The following INPPL1 variants were observed in gnomAD, a reference collection of about 807,000 sequenced individuals.
INPPL1 encodes inositol polyphosphate phosphatase like 1, also known as phosphatidylinositol 3,4,5-trisphosphate 5-phosphatase 2.
A neutral mutation model predicts 139.3 loss-of-function variants in INPPL1; 91 were observed. The ratio of observed to expected loss-of-function variants is 0.65; its 90% confidence interval spans 0.55 to 0.78. The LOEUF (loss-of-function observed/expected upper bound fraction) is 0.78. INPPL1 is among the 30% of genes least tolerant of loss of function. INPPL1 has a pLI of 0.00. For missense variants in INPPL1, 1,411 were observed against 1,665.6 expected, an observed-to-expected ratio of 0.85 and a Z score of 2.66; for synonymous variants, 719 against 686.6, an observed-to-expected ratio of 1.05 and a Z score of -0.74.
In INPPL1 at chr11:72,228,263, TGG is replaced by T; in HGVS notation, c.246+12_246+13del. On this transcript the variant is annotated intron_variant, in intron 2 of 27. Transcript: ENST00000298229. This position sits in a 1 kb window ranked among gnomAD's most constrained non-coding sequence, Gnocchi z 5.0. ...TTTCTTGGCTGTGCAGGTAGGAGCT[TGG>T]GCCCCTGACCCCTGACCTTGATCCA... is the stretch of plus-strand genomic sequence containing the variant. 2 of 1,614,128 alleles carry T rather than the reference TGG, an allele frequency of 1.2e-6. No individual in the cohort carries two copies. The highest frequency in any genetic ancestry group is 1.7e-6 in the Non-Finnish European group (2 of 1,179,980).
intron 25 of INPPL1, 68 bp downstream of exon 25, chr11:72,236,054 G>A (rs1192166235): frequency 3.4e-6 from 3 of 871,262 alleles, no homozygotes; most frequent in African/African-American, 1.7e-5. Flanking sequence ...ATCCCCTGCA[G>A]GGTCTCAGGG....
chr11:72,235,855 C>T lies in INPPL1; in HGVS notation c.2748C>T (p.Ser916=), dbSNP rs1275466492. 3 of 1,612,302 alleles carry T rather than the reference C, an allele frequency of 1.9e-6. No homozygotes were observed. Among genetic ancestry groups the T allele is most frequent in the African/African-American group, 2.7e-5 (2 of 74,912 alleles). The part of the protein sequence containing the change: ...SRGSQEPRSG[S]RKPAFTEASC... ...TGTGCATCCCTGGCAGGTCAGGGAG[C>T]CGCAAGCCAGCCTTCACAGAGGCCT... Residue 916 remains serine, a synonymous_variant, in exon 25 of 28, where the codon AGC becomes AGT. Coordinates refer to ENST00000298229, the MANE Select transcript of INPPL1 (RefSeq NM_001567.4). The surrounding 1 kb of genome is among the most constrained non-coding windows in gnomAD (Gnocchi z 4.9).
In INPPL1 at chr11:72,228,630, C is replaced by T. The variant is rs1948742991; in HGVS notation, c.398-97C>T. The stretch of plus-strand genomic sequence containing the variant: ...TGGCCATGATGCCGGGGCCCTTTAA[C>T]CCTCTTTCCATGGAAGTCACTTTAC... On this transcript the variant is annotated intron_variant, in intron 3 of 27. Transcript: ENST00000298229. The surrounding 1 kb of genome is among the most constrained non-coding windows in gnomAD (Gnocchi z 5.0). 24 of 1,547,374 alleles carry T rather than the reference C, an allele frequency of 1.6e-5. No individual in the cohort carries two copies. In the South Asian group the frequency reaches 2.6e-4, roughly 17 times the overall value.
At chr11:72,224,451 GTCATA>G (rs1175394926), upstream of INPPL1, among the ~76,000 whole-genome samples, 1 of 151,274 alleles carries the variant, frequency 6.6e-6, no homozygotes, top group Non-Finnish European at 1.5e-5. Context: ...GGGCTTAGGG[GTCATA>G]TCATTGGGAG....
At chr11:72,225,792 G>A (rs1948655056) in intron 1 of INPPL1, among the ~76,000 whole-genome samples, 1 of 152,190 alleles carries the variant, frequency 6.6e-6, no homozygotes, top group Non-Finnish European at 1.5e-5. Context: ...TGGTTACCTG[G>A]CTGCCCTAGC....
chr11:72,229,525 C>G lies in INPPL1; in HGVS notation c.720C>G (p.Ser240Arg). 2.5e-6 allele frequency: 4 copies of G among 1,614,172 alleles called. No individual in the cohort carries two copies. Among genetic ancestry groups the G allele is most frequent in the Non-Finnish European group, 3.4e-6 (4 of 1,180,028 alleles). ...TGTCCAAGGTGTTTGACCAGCAGAG[C>G]TCGCCCATGGTGACCCGCCTTTTGC... is the stretch of plus-strand genomic sequence containing the variant. ...EILSKVFDQQ[S>R]SPMVTRLLQQ... The change falls in exon 6 of 28, where the codon AGC (serine) becomes AGG (arginine). Residue 240 changes from serine to arginine, a missense_variant. This residue lies in a region of INPPL1 where 504 missense variants were observed against 595.6 expected (regional missense o/e 0.85). Transcript: ENST00000298229.
At chr11:72,237,929 C>G (rs1310961665) in intron 26 of INPPL1, 113 bp from the exon 27 acceptor site, 5 of 1,443,614 alleles carry the variant, frequency 3.5e-6, no homozygotes, top group Non-Finnish European at 4.6e-6. Context: ...TTGGGAGACA[C>G]ATGTATCAGC....
At chr11:72,233,812 G>C in intron 19 of INPPL1, 68 bp downstream of exon 19, 1 of 1,278,994 alleles carries the variant, frequency 7.8e-7, no homozygotes, top group Non-Finnish European at 1.1e-6. Context: ...GCCTCGGGAT[G>C]TACATAGGTT....
At chr11:72,233,023 G>A (rs1948879364) in intron 16 of INPPL1, 49 bp downstream of exon 16, 2 of 1,609,980 alleles carry the variant, frequency 1.2e-6, no homozygotes, top group Non-Finnish European at 1.7e-6. Flanking sequence ...GAGACTTGCA[G>A]TATCCCTGGG....
chr11:72,228,653 T>G lies in INPPL1; in HGVS notation c.398-74T>G, dbSNP rs1948743338. On this transcript the variant is annotated intron_variant, in intron 3 of 27. Transcript: ENST00000298229. The surrounding 1 kb of genome is among the most constrained non-coding windows in gnomAD (Gnocchi z 5.0). The stretch of plus-strand genomic sequence containing the variant: ...AACCCTCTTTCCATGGAAGTCACTT[T>G]ACAGCTGCATCGTGCCTCCTACTCC... 7 of 1,566,628 alleles carry G rather than the reference T, an allele frequency of 4.5e-6. No homozygotes were observed. In the East Asian group the frequency reaches 1.6e-4, roughly 35 times the overall value.
rs1308271103 is a variant in INPPL1 at position 72,237,174 on chromosome 11, C to A, written c.2930C>A (p.Pro977His). The A allele has an allele frequency of 6.2e-7, 1 of 1,611,342 alleles. No individual in the cohort carries two copies. The highest frequency in any genetic ancestry group is 8.5e-7 in the Non-Finnish European group (1 of 1,178,016). The change falls in exon 26 of 28, where the codon CCC becomes CAC. Residue 977 changes from proline (P) to histidine (H), a missense_variant. Pro to His is a moderately conservative substitution (Grantham distance 77). Transcript: ENST00000298229. ...CCAGAAGGGGTGGCGGCCCCCCCAC[C>A]CAAGAACAGCTTCAATAACCCTGCC... ...PEPEGVAAPP[P>H]KNSFNNPAYY...
rs766325854 is a variant in INPPL1 at position 72,229,528 on chromosome 11, G to A, written c.723G>A (p.Ser241=). ...CCAAGGTGTTTGACCAGCAGAGCTC[G>A]CCCATGGTGACCCGCCTTTTGCAGC... is the stretch of plus-strand genomic sequence containing the variant. ...ILSKVFDQQS[S]PMVTRLLQQQ... The change falls in exon 6 of 28, where the codon TCG becomes TCA. Residue 241 remains serine (S), a synonymous_variant. Coordinates refer to ENST00000298229, the MANE Select transcript of INPPL1 (RefSeq NM_001567.4). 105 of 1,613,986 alleles carry A rather than the reference G, an allele frequency of 6.5e-5. No individual in the cohort carries two copies. Among genetic ancestry groups the A allele is most frequent in the Non-Finnish European group, 7.9e-5 (93 of 1,180,018 alleles).
At chr11:72,224,433 C>A (rs1314908359), upstream of INPPL1, among the ~76,000 whole-genome samples, 1 of 151,460 alleles carries the variant, frequency 6.6e-6, no homozygotes, top group Non-Finnish European at 1.5e-5. Context: ...TGGAATCAGA[C>A]CTTTATGGGG....
At chr11:72,236,708 C>T (rs1386600838) in intron 25 of INPPL1, among the ~76,000 whole-genome samples, 2 of 152,152 alleles carry the variant, frequency 1.3e-5, no homozygotes, top group Non-Finnish European at 2.9e-5. Context: ...CCGGTTTTAT[C>T]CCTAGGCTTG....
rs547662724 is a variant in INPPL1 at position 72,235,228 on chromosome 11, G to C, written c.2503+25G>C. On this transcript the variant is annotated intron_variant, in intron 22 of 27. Transcript: ENST00000298229. This position sits in a 1 kb window ranked among gnomAD's most constrained non-coding sequence, Gnocchi z 4.9. ...GGTGAGGGGTGAGGGGTGCTGAGGG[G>C]AACAGGAAGCCAGACAGGGCCCTAG... is the stretch of plus-strand genomic sequence containing the variant. 249 of 1,613,908 alleles carry C rather than the reference G, an allele frequency of 1.5e-4. 4 individuals carry two copies. The Middle Eastern group carries it at 3.8e-3, about 25-fold the overall frequency.
intron 1 of INPPL1, among the ~76,000 whole-genome samples, chr11:72,226,995 C>T (rs1460541206): frequency 3.9e-5 from 6 of 152,110 alleles, no homozygotes; most frequent in Admixed American, 1.3e-4. Context: ...GGCTCTTCCC[C>T]GCATCTCAAG....
In INPPL1 at chr11:72,238,610, G is replaced by A; in HGVS notation, c.*257G>A. ...GGTTACCGAGGACCCTGGTTACTCT[G>A]GTGCTGTCCTGTTTTACTGGACCCC... On this transcript the variant is annotated 3_prime_UTR_variant, in exon 28 of 28. Coordinates refer to ENST00000298229, the MANE Select transcript of INPPL1 (RefSeq NM_001567.4). The A allele has an allele frequency of 2.9e-6, 1 of 346,648 alleles. No individual in the cohort carries two copies. The highest frequency in any genetic ancestry group is 5.2e-6 in the Non-Finnish European group (1 of 192,008). 21.5% of individuals were successfully genotyped at this position (346,648 alleles called of 1,614,324 possible).
rs149496279 is a variant in INPPL1, at chr11:72,230,186, C to T, written c.1005C>T (p.Ser335=). The change falls in exon 9 of 28, where the codon AGC becomes AGT. Residue 335 remains serine, a synonymous_variant. Transcript: ENST00000298229. ...KIGKSQKFTL[S]VDVEGGRLVL... ...GGAAGTCACAGAAGTTCACGCTGAGCGTGGATGTGGAGGGTGGGCGGCTGG... is the reference window on the plus strand; with the variant it reads ...GGAAGTCACAGAAGTTCACGCTGAGTGTGGATGTGGAGGGTGGGCGGCTGG... 100 of 1,612,212 alleles carry T rather than the reference C, an allele frequency of 6.2e-5. No individual in the cohort carries two copies. Among genetic ancestry groups the T allele is most frequent in the Middle Eastern group, 3.3e-4 (2 of 6,078 alleles).
At chr11:72,236,295 A>G (rs1948988956) in intron 25 of INPPL1, among the ~76,000 whole-genome samples, 2 of 152,226 alleles carry the variant, frequency 1.3e-5, no homozygotes, top group African/African-American at 2.4e-5. Context: ...GAGGAGGCAC[A>G]TGGCTCGGCC....
Sources: gnomAD v4.1 joint callset for allele counts (sites outside exome capture counted in the v4.1 genomes callset) on GRCh38, gnomAD v4.1.1 for gene constraint, gnomAD v4.1.1 regional missense constraint, Gnocchi (gnomAD v3.1) non-coding constraint, MANE v1.5 for transcripts, NCBI Gene and HGNC (gene_info 2026-07-23, HGNC 2026-07-21) for gene names.